VPS13D: variants seen among roughly 807,000 people sequenced by gnomAD.
The protein encoded by VPS13D is intermembrane lipid transfer protein VPS13D.
Under a neutral mutation model 461.9 loss-of-function variants are expected in VPS13D, and 187 were observed. That is an observed-to-expected ratio of 0.40 (90% CI 0.36 to 0.46). The LOEUF is 0.46. Among genes scored for constraint, VPS13D ranks in the 20% least tolerant of loss-of-function variants. VPS13D has a pLI of 0.60. For synonymous variants in VPS13D, 1,951 were observed against 1,986.3 expected (o/e 0.98, Z 0.47); for missense variants, 4,711 against 5,364.9 (o/e 0.88, Z 3.81).
chr1:12,243,045 C>T (rs887752831), intron 3 of VPS13D, among the ~76,000 whole-genome samples: 5 of 151,404 alleles, frequency 3.3e-5, no homozygotes, highest in South Asian at 2.1e-4. Context: ...CTCTGCCTCT[C>T]GGGTTGAAGC....
chr1:12,419,602 A>T (rs1644837403), intron 65 of VPS13D, among the ~76,000 whole-genome samples: 1 of 152,122 alleles, frequency 6.6e-6, no homozygotes, highest in Non-Finnish European at 1.5e-5. Context: ...GGTGCTACAT[A>T]CTTTTAAACA....
chr1:12,266,950 T>G lies in VPS13D; in HGVS notation c.1664T>G (p.Leu555Arg). 1.2e-6 allele frequency: 2 copies of G among 1,611,334 alleles called. No homozygotes were observed. Among genetic ancestry groups the G allele is most frequent in the Non-Finnish European group, 1.7e-6 (2 of 1,179,234 alleles). The change falls in exon 14 of 70, where the codon CTG becomes CGG. Residue 555 changes from leucine (L) to arginine (R), a missense_variant. By Grantham distance (102) the Leu-to-Arg change is moderately radical. Coordinates refer to ENST00000620676, the MANE Select transcript of VPS13D (RefSeq NM_015378.4). ...SSLLSVRLGG[L>R]FLRDLATEGT... ...TTGCTTTCAGTCCGGTTGGGTGGAC[T>G]GTTTCTTCGAGACCTGGCTACAGAA... is the stretch of plus-strand genomic sequence containing the variant.
intron 6 of VPS13D, 120 bp from the exon 7 acceptor site, chr1:12,253,602 A>T: frequency 1.4e-6 from 1 of 729,636 alleles, no homozygotes; most frequent in Non-Finnish European, 2.3e-6. Context: ...ATTGAGTTAT[A>T]TGTCCACAGC....
chr1:12,446,923 C>T (rs1645200234), intron 65 of VPS13D, among the ~76,000 whole-genome samples: 1 of 152,088 alleles, frequency 6.6e-6, no homozygotes, highest in Admixed American at 6.5e-5. Context: ...TACCAAGCCT[C>T]CTATTTCTTT....
intron 13 of VPS13D, among the ~76,000 whole-genome samples, chr1:12,264,751 G>T (rs901704813): frequency 2.0e-5 from 3 of 152,232 alleles, no homozygotes; most frequent in African/African-American, 7.2e-5. Context: ...TGATGGGGAA[G>T]CTGCAGCAAG....
chr1:12,255,581 T>C (rs1181234489), intron 7 of VPS13D, among the ~76,000 whole-genome samples: 1 of 151,642 alleles, frequency 6.6e-6, no homozygotes, highest in African/African-American at 2.4e-5. Flanking sequence ...TTTTAAACGA[T>C]GTGAGTGTAT....
chr1:12,383,095 A>G lies in VPS13D; in HGVS notation c.11310A>G (p.Arg3770=), dbSNP rs1476724653. ...PEQQFINQKM[R]PGSGMLSIRV... is the part of the protein sequence containing the mutation. ...AACAATTTATTAATCAAAAAATGAG[A>G]CCTGGTTCTGGAATGTTATCCATCA... Residue 3770 remains arginine (R), a synonymous_variant, in exon 58 of 70, where the codon AGA becomes AGG. Coordinates refer to ENST00000620676, the MANE Select transcript of VPS13D (RefSeq NM_015378.4). 1 of 1,614,112 alleles carries G rather than the reference A, an allele frequency of 6.2e-7. No individual in the cohort carries two copies. The highest frequency in any genetic ancestry group is 2.2e-5 in the East Asian group (1 of 44,878).
chr1:12,241,145 A>G (rs188815944), intron 2 of VPS13D, among the ~76,000 whole-genome samples: 5 of 152,052 alleles, frequency 3.3e-5, no homozygotes, highest in Admixed American at 2.6e-4. Context: ...GTCTTGCCGT[A>G]TTGCCCAGGC....
intron 5 of VPS13D, among the ~76,000 whole-genome samples, chr1:12,245,328 C>T (rs542108496): frequency 2.6e-4 from 39 of 152,268 alleles, no homozygotes; most frequent in African/African-American, 9.4e-4. Context: ...GTCATGTTCC[C>T]AAAAATTACA....
chr1:12,503,124 G>A (rs201771446), intron 68 of VPS13D, among the ~76,000 whole-genome samples: 91 of 152,282 alleles, frequency 6.0e-4, no homozygotes, highest in East Asian at 2.1e-3. Flanking sequence ...AGAATGCCCC[G>A]TGGTTCATGG....
chr1:12,490,922 A>G (rs1315630857), intron 67 of VPS13D, among the ~76,000 whole-genome samples: 4 of 152,236 alleles, frequency 2.6e-5, no homozygotes, highest in African/African-American at 4.8e-5. Flanking sequence ...TGTGGATACC[A>G]GAGGGTTTTT....
Position 12,487,352 on chromosome 1 carries a change from G to A in VPS13D, c.12663-10148G>A, listed in dbSNP as rs933789653. 2.0e-5 allele frequency among the ~76,000 whole-genome samples: 3 copies of A among 152,268 alleles called. No homozygotes were observed. In the East Asian group the frequency reaches 5.8e-4, roughly 29 times the overall value. ...GGGTCAGGCACGGTGGCTCACGCCT[G>A]TAATCCCCAGCACTTTGGGAGGCCG... On this transcript the variant is annotated intron_variant, in intron 67 of 69. Coordinates refer to ENST00000620676, the MANE Select transcript of VPS13D (RefSeq NM_015378.4).
rs916146716 is a variant in VPS13D at position 12,356,193 on chromosome 1, A to G, written c.9871+103A>G. The G allele has an allele frequency of 4.8e-6, 7 of 1,444,010 alleles. No homozygotes were observed. In the African/African-American group the frequency reaches 7.1e-5, roughly 15 times the overall value. The allele number at this position is 1,444,010 out of a possible 1,614,324, so 89.4% of individuals were successfully genotyped here. On this transcript the variant is annotated intron_variant, in intron 48 of 69. Coordinates refer to ENST00000620676, the MANE Select transcript of VPS13D (RefSeq NM_015378.4). The stretch of plus-strand genomic sequence containing the variant: ...GGAGCCAATGCAAATAGATTACTTC[A>G]ACAGTCTGAGCTGCTGAAACATTCC...
At chr1:12,418,503 G>A (rs1016392901) in intron 65 of VPS13D, among the ~76,000 whole-genome samples, 4 of 152,114 alleles carry the variant, frequency 2.6e-5, no homozygotes, top group African/African-American at 9.7e-5. Context: ...ACATAAGAAA[G>A]TCTTCTTGGT....
chr1:12,321,860 G>C lies in VPS13D; in HGVS notation c.7600G>C (p.Asp2534His). 6.2e-7 allele frequency: 1 copy of C among 1,612,586 alleles called. No individual in the cohort carries two copies. The highest frequency in any genetic ancestry group is 8.5e-7 in the Non-Finnish European group (1 of 1,179,470). Reference protein sequence around the residue: ...NEHDTALSIVDPVQIQMELVG... With the variant: ...NEHDTALSIVHPVQIQMELVG... ...GCATGATACAGCTCTTTCAATTGTG[G>C]ATCCCGTACAAATTCAAATGGAGTT... The change falls in exon 33 of 70, where the codon GAT (aspartate) becomes CAT (histidine). Residue 2534 changes from aspartate to histidine, a missense_variant. Asp to His is a moderately conservative substitution (Grantham distance 81). Transcript: ENST00000620676.
At position 12,266,999 on chromosome 1, in the gene VPS13D, C is replaced by G; in HGVS notation, c.1713C>G (p.Val571=). The G allele has an allele frequency of 6.2e-7, 1 of 1,602,458 alleles. No individual in the cohort carries two copies. ...ATEGTMFPLL[V]FPNPQKEVGR... The stretch of plus-strand genomic sequence containing the variant: ...AAGGAACTATGTTTCCTCTTCTAGT[C>G]TTCCCTAATCCAGTATGTACAACAG... Residue 571 remains valine (V), a synonymous_variant, in exon 14 of 70, where the codon GTC becomes GTG. Transcript: ENST00000620676.
chr1:12,295,886 T>G (rs1033454386), intron 24 of VPS13D, among the ~76,000 whole-genome samples: 11 of 152,190 alleles, frequency 7.2e-5, no homozygotes, highest in Non-Finnish European at 1.5e-4. Context: ...CCTTTAAAAT[T>G]AAAAAGAAAA....
intron 67 of VPS13D, among the ~76,000 whole-genome samples, chr1:12,470,134 G>A (rs902339968): frequency 2.6e-5 from 4 of 152,206 alleles, no homozygotes; most frequent in Non-Finnish European, 5.9e-5. Context: ...ATCGATAATG[G>A]CAGGGGTGAC....
chr1:12,435,109 A>G (rs1048725336), intron 65 of VPS13D, among the ~76,000 whole-genome samples: 2 of 152,204 alleles, frequency 1.3e-5, no homozygotes, highest in Non-Finnish European at 2.9e-5. Flanking sequence ...ATTTCTCAGC[A>G]TTGCTATACA....
Sources: gnomAD v4.1 joint callset for allele counts (sites outside exome capture counted in the v4.1 genomes callset) on GRCh38, gnomAD v4.1.1 for gene constraint, MANE v1.5 for transcripts, NCBI Gene and HGNC (gene_info 2026-07-23, HGNC 2026-07-21) for gene names.